Variants in TNRC6B observed in about 807,000 individuals in gnomAD.
TNRC6B encodes trinucleotide repeat-containing gene 6B protein.
Under a neutral mutation model 203.6 loss-of-function variants are expected in TNRC6B, and 52 were observed. That is an observed-to-expected ratio of 0.26 (90% CI 0.20 to 0.32). TNRC6B has a LOEUF of 0.32. Ranked by LOEUF, TNRC6B falls within the 10% of genes least tolerant of loss-of-function variation. The pLI is 1.00. For synonymous variants in TNRC6B, 838 were observed against 845.7 expected, an observed-to-expected ratio of 0.99 and a Z score of 0.16; for missense variants, 1,923 against 2,286.2, an observed-to-expected ratio of 0.84 and a Z score of 3.24.
chr22:40,226,973 A>C lies in TNRC6B; in HGVS notation c.6-19042A>C, dbSNP rs193145424. Among the ~76,000 whole-genome samples the C allele has an allele frequency of 1.1e-3, 161 of 151,972 alleles. No individual in the cohort carries two copies. In the East Asian group the frequency reaches 0.024, roughly 23 times the overall value. ...CACCTAGGCTGTAGTGCAGTGGCAC[A>C]ATCTCAGCTCATTGCAGCCTCCACC... On this transcript the variant is annotated intron_variant, in intron 1 of 22. Transcript: ENST00000454349.
intron 1 of TNRC6B, among the ~76,000 whole-genome samples, chr22:40,083,848 A>G (rs887051186): frequency 6.6e-6 from 1 of 152,178 alleles, no homozygotes; most frequent in African/African-American, 2.4e-5. Flanking sequence ...TTTGTTCTCA[A>G]TGAAGAGTCA....
chr22:40,210,843 G>A (rs1007823581), intron 1 of TNRC6B, among the ~76,000 whole-genome samples: 1 of 152,168 alleles, frequency 6.6e-6, no homozygotes, highest in African/African-American at 2.4e-5. Flanking sequence ...TTGGGGCTGG[G>A]TAATTCTTTG....
intron 19 of TNRC6B, among the ~76,000 whole-genome samples, chr22:40,314,222 T>C (rs749657368): frequency 3.9e-5 from 6 of 152,246 alleles, no homozygotes; most frequent in Non-Finnish European, 8.8e-5. Flanking sequence ...AACTCAGTTA[T>C]GTTTCTTAAT....
At chr22:40,092,989 T>C (rs1411244339) in intron 1 of TNRC6B, among the ~76,000 whole-genome samples, 7 of 152,238 alleles carry the variant, frequency 4.6e-5, no homozygotes, top group Non-Finnish European at 8.8e-5. Context: ...TATGCCACTA[T>C]AGAGGTATTT....
At chr22:40,086,893 T>A (rs1426308793) in intron 1 of TNRC6B, among the ~76,000 whole-genome samples, 1 of 152,242 alleles carries the variant, frequency 6.6e-6, no homozygotes, top group African/African-American at 2.4e-5. Context: ...TATTTCCAGC[T>A]ACATAAAAAC....
chr22:40,140,106 GAT>G (rs759685488), intron 3 of TNRC6B, among the ~76,000 whole-genome samples: 21 of 152,072 alleles, frequency 1.4e-4, no homozygotes, highest in Non-Finnish European at 2.8e-4. Context: ...TTAGTCTTCT[GAT>G]AGTTTGTTTC....
At chr22:40,101,793 A>C (rs1165917741) in intron 1 of TNRC6B, among the ~76,000 whole-genome samples, 2 of 152,226 alleles carry the variant, frequency 1.3e-5, no homozygotes, top group African/African-American at 4.8e-5. Flanking sequence ...CCAGTTCAAG[A>C]ATCTGCAGTG....
intron 1 of TNRC6B, among the ~76,000 whole-genome samples, chr22:40,225,053 G>A (rs939350628): frequency 6.6e-6 from 1 of 152,166 alleles, no homozygotes; most frequent in African/African-American, 2.4e-5. Context: ...TTTTACAGAT[G>A]ACAAACTTAG....
In TNRC6B at chr22:40,310,988, C is replaced by T. The variant is rs1407781767; in HGVS notation, c.4430C>T (p.Pro1477Leu). ...IGSKSSNASW[P>L]PEFQPGVPWK... ...AGTAAATCCAGCAATGCCAGTTGGCCTCCAGGTATTGTCTAGGAAATGCTT... is the reference window on the plus strand; with the variant it reads ...AGTAAATCCAGCAATGCCAGTTGGCTTCCAGGTATTGTCTAGGAAATGCTT... The change falls in exon 17 of 23, where the codon CCT (proline) becomes CTT (leucine). Residue 1477 changes from proline to leucine, a missense_variant. Physicochemically the swap from Pro to Leu is moderately conservative, Grantham distance 98 (BLOSUM62 -3). This residue lies in a region of TNRC6B where 242 missense variants were observed against 399.5 expected (regional missense o/e 0.61). Coordinates refer to ENST00000454349, the MANE Select transcript of TNRC6B (RefSeq NM_001162501.2). 1.2e-6 allele frequency: 2 copies of T among 1,605,568 alleles called. No homozygotes were observed. Among genetic ancestry groups the T allele is most frequent in the Non-Finnish European group, 1.7e-6 (2 of 1,176,702 alleles).
rs145672399 is a variant in TNRC6B at position 40,247,822 on chromosome 22, C to T, written c.93+1720C>T. On this transcript the variant is annotated intron_variant, in intron 2 of 22. Transcript: ENST00000454349. ...TGGTGGCTCATGCCTGTAATCCCAA[C>T]ACTTTGGGAGGCCAAGGCAGGAGGG... Among the ~76,000 whole-genome samples, 65 of 152,272 alleles carry T rather than the reference C, an allele frequency of 4.3e-4. 1 individual carries two copies. Among genetic ancestry groups the T allele is most frequent in the African/African-American group, 1.5e-3 (61 of 41,552 alleles).
At chr22:40,094,462 A>G (rs1460744982) in intron 1 of TNRC6B, among the ~76,000 whole-genome samples, 1 of 151,578 alleles carries the variant, frequency 6.6e-6, no homozygotes, top group Non-Finnish European at 1.5e-5. Context: ...AAAATACTGT[A>G]TATGAAATAT....
chr22:40,053,491 C>T (rs1001407002), intron 1 of TNRC6B, among the ~76,000 whole-genome samples: 2 of 151,382 alleles, frequency 1.3e-5, no homozygotes, highest in African/African-American at 2.4e-5. Flanking sequence ...AAAAAAAATA[C>T]CCCTTTAACA....
At chr22:40,303,051 T>C (rs1193244710) in intron 15 of TNRC6B, among the ~76,000 whole-genome samples, 3 of 143,066 alleles carry the variant, frequency 2.1e-5, no homozygotes, top group Admixed American at 1.4e-4. Flanking sequence ...TTCTTCTTTT[T>C]TTTTTTTTTT....
At chr22:40,075,359 A>G (rs1278233349) in intron 1 of TNRC6B, among the ~76,000 whole-genome samples, 2 of 151,426 alleles carry the variant, frequency 1.3e-5, no homozygotes, top group Non-Finnish European at 2.9e-5. Context: ...TTCTCAATGA[A>G]TTTAGCCCTT....
At chr22:40,061,828 C>A (rs1284459056) in intron 1 of TNRC6B, among the ~76,000 whole-genome samples, 3 of 152,128 alleles carry the variant, frequency 2.0e-5, no homozygotes, top group Non-Finnish European at 4.4e-5. Flanking sequence ...AATCCCAGCA[C>A]TTTGGGAGGC....
intron 1 of TNRC6B, among the ~76,000 whole-genome samples, chr22:40,055,422 A>G (rs1228894662): frequency 6.6e-6 from 1 of 152,124 alleles, no homozygotes; most frequent in African/African-American, 2.4e-5. Context: ...TATGTGGAGA[A>G]GATGACCGGC....
intron 7 of TNRC6B, among the ~76,000 whole-genome samples, chr22:40,276,591 C>T (rs569293721): frequency 6.6e-6 from 1 of 152,274 alleles, no homozygotes; most frequent in East Asian, 1.9e-4. Flanking sequence ...TCTTTACCAC[C>T]AGGACCAATG....
intron 1 of TNRC6B, among the ~76,000 whole-genome samples, chr22:40,072,437 A>G (rs1451607147): frequency 6.6e-6 from 1 of 152,218 alleles, no homozygotes; most frequent in African/African-American, 2.4e-5. Context: ...TCTTAAATCC[A>G]TAATAAAGAA....
chr22:40,052,176 G>A (rs2067752138), intron 1 of TNRC6B, among the ~76,000 whole-genome samples: 1 of 152,114 alleles, frequency 6.6e-6, no homozygotes, highest in Non-Finnish European at 1.5e-5. Context: ...AGATCAAAGG[G>A]GGACCCTAAG....
Sources: gnomAD v4.1 joint callset for allele counts (sites outside exome capture counted in the v4.1 genomes callset) on GRCh38, gnomAD v4.1.1 for gene constraint, gnomAD v4.1.1 regional missense constraint, MANE v1.5 for transcripts, NCBI Gene and HGNC (gene_info 2026-07-23, HGNC 2026-07-21) for gene names.